PHEX: variants seen among roughly 807,000 people sequenced by gnomAD.
The protein encoded by PHEX is phosphate regulating endopeptidase X-linked.
PHEX carries 16 observed loss-of-function variants against 68.0 expected under a neutral mutation model. The observed-to-expected ratio is 0.24, with a 90% CI of 0.16 to 0.36. PHEX has a LOEUF of 0.36. Among genes scored for constraint, PHEX ranks in the 10% least tolerant of loss-of-function variants. The pLI, the probability that PHEX is intolerant of heterozygous loss-of-function variation, is 1.00. For synonymous variants in PHEX, 208 were observed against 205.1 expected (o/e 1.01, Z -0.12); for missense variants, 480 against 575.5 (o/e 0.83, Z 1.70).
intron 3 of PHEX, among the ~76,000 whole-genome samples, chrX:22,052,880 C>A (rs1927902897): frequency 9.0e-6 from 1 of 110,996 alleles, no homozygotes; most frequent in Non-Finnish European, 1.9e-5. Context: ...ACACTAAAAT[C>A]TCAGACCTCA....
chrX:22,180,305 C>T (rs1053167584), intron 14 of PHEX, among the ~76,000 whole-genome samples: 2 of 111,228 alleles, frequency 1.8e-5, no homozygotes, highest in Admixed American at 9.6e-5. Flanking sequence ...TTCAATTTCA[C>T]CTTCCACCAG....
At chrX:22,124,162 A>G (rs1220241480) in intron 11 of PHEX, among the ~76,000 whole-genome samples, 1 of 111,706 alleles carries the variant, frequency 9.0e-6, no homozygotes, top group African/African-American at 3.3e-5. Context: ...CAGATTTCAT[A>G]ACCCTCTGCA....
chrX:22,058,775 C>G (rs187720829), intron 3 of PHEX, among the ~76,000 whole-genome samples: 2 of 112,229 alleles, frequency 1.8e-5, no homozygotes, highest in Admixed American at 9.4e-5. Flanking sequence ...TCTAGAGCTT[C>G]TCTGGATGCC....
chrX:22,099,564 C>A (rs1268420783), intron 9 of PHEX, among the ~76,000 whole-genome samples: 1 of 106,782 alleles, frequency 9.4e-6, no homozygotes, highest in East Asian at 2.9e-4. Context: ...TGGCAATAAA[C>A]TAAAGTAACT....
At chrX:22,225,198 C>T (rs1341824418) in intron 18 of PHEX, among the ~76,000 whole-genome samples, 4 of 109,053 alleles carry the variant, frequency 3.7e-5, no homozygotes, top group Non-Finnish European at 3.8e-5. Context: ...CTCTGACACT[C>T]GCTCTCCTGC....
At chrX:22,137,629 G>C (rs1198552136) in intron 12 of PHEX, among the ~76,000 whole-genome samples, 1 of 111,436 alleles carries the variant, frequency 9.0e-6, no homozygotes, top group Non-Finnish European at 1.9e-5. Flanking sequence ...CTCAAGGTGT[G>C]GTTCCAGACC....
At chrX:22,051,058 A>G (rs759174070) in intron 3 of PHEX, among the ~76,000 whole-genome samples, 1 of 111,519 alleles carries the variant, frequency 9.0e-6, no homozygotes, top group Non-Finnish European at 1.9e-5. Context: ...GAGGCTTCCT[A>G]TATGTGTTTC....
chrX:22,211,647 A>G (rs1934927503), intron 15 of PHEX, among the ~76,000 whole-genome samples: 1 of 112,177 alleles, frequency 8.9e-6, no homozygotes, highest in Non-Finnish European at 1.9e-5. Flanking sequence ...TGGTTTACTG[A>G]TGAATAAAGA....
chrX:22,131,363 C>T (rs1236339967), intron 11 of PHEX, among the ~76,000 whole-genome samples: 1 of 112,503 alleles, frequency 8.9e-6, no homozygotes, highest in Non-Finnish European at 1.9e-5. Flanking sequence ...TAAAGTTCCT[C>T]CAAAGATTCT....
intron 16 of PHEX, among the ~76,000 whole-genome samples, chrX:22,214,782 G>C (rs1935032458): frequency 9.0e-6 from 1 of 111,459 alleles, no homozygotes; most frequent in East Asian, 2.8e-4. Context: ...ACGAGGACGT[G>C]GGCAGCCATC....
chrX:22,219,113 G>A lies in PHEX; in HGVS notation c.1768+10G>A, dbSNP rs775981177. The A allele has an allele frequency of 3.8e-5, 42 of 1,097,720 alleles. No individual in the cohort carries two copies. The highest frequency in any genetic ancestry group is 2.6e-4 in the South Asian group (14 of 54,284). The allele number at this position is 1,097,720 out of a possible 1,213,427, so 90.5% of individuals were successfully genotyped here. On this transcript the variant is annotated intron_variant, in intron 17 of 21. Coordinates refer to ENST00000379374, the MANE Select transcript of PHEX (RefSeq NM_000444.6). ...GGATTTGATAATAATGGTAAGTACCGGTTCATTTTATAAGCTGCTGCTTTT... is the reference window on the plus strand; with the variant it reads ...GGATTTGATAATAATGGTAAGTACCAGTTCATTTTATAAGCTGCTGCTTTT...
At chrX:22,212,225 C>T (rs1219392811) in intron 15 of PHEX, among the ~76,000 whole-genome samples, 1 of 111,178 alleles carries the variant, frequency 9.0e-6, no homozygotes, top group African/African-American at 3.3e-5. Flanking sequence ...AGTATGGCCT[C>T]TTAGGGCTAT....
Position 22,114,349 on chromosome X carries a change from G to A in PHEX, c.1174-109G>A, listed in dbSNP as rs892311996. On this transcript the variant is annotated intron_variant, in intron 10 of 21. Transcript: ENST00000379374. ...TCTACTATCTGATGCATATATATGG[G>A]TTAGGGTGTGCAGTGTTTTGTAGAC... The A allele has an allele frequency of 5.6e-6, 4 of 709,030 alleles. No individual in the cohort carries two copies. The Admixed American group carries it at 6.7e-5, about 12-fold the overall frequency. The allele number at this position is 709,030 out of a possible 1,213,427, so 58.4% of individuals were successfully genotyped here. A position where few individuals can be genotyped will look rare whatever the true frequency, so the allele number is the denominator to read the frequency against.
At chrX:22,193,425 A>C (rs1934266623) in intron 15 of PHEX, among the ~76,000 whole-genome samples, 2 of 111,222 alleles carry the variant, frequency 1.8e-5, no homozygotes. Context: ...TTCTGATTTG[A>C]GGGTTTATCA....
chrX:22,231,627 T>A (rs1223858430), intron 20 of PHEX, among the ~76,000 whole-genome samples: 4 of 111,876 alleles, frequency 3.6e-5, no homozygotes, highest in Non-Finnish European at 7.5e-5. Context: ...ATCCCCTTTA[T>A]CATTTTTTAT....
intron 13 of PHEX, among the ~76,000 whole-genome samples, chrX:22,176,672 T>C (rs1933721438): frequency 9.0e-6 from 1 of 110,523 alleles, no homozygotes; most frequent in Admixed American, 9.8e-5. Context: ...TTCAGTCTTA[T>C]TATTGTTATT....
intron 18 of PHEX, among the ~76,000 whole-genome samples, chrX:22,222,567 ATCGT>A (rs1172111399): frequency 1.2e-4 from 13 of 111,884 alleles, no homozygotes; most frequent in African/African-American, 4.2e-4. Context: ...TCAATAAAAG[ATCGT>A]TAGTTAATAT....
chrX:22,230,225 G>T (rs189378426), intron 20 of PHEX, among the ~76,000 whole-genome samples: 1,231 of 74,597 alleles, frequency 0.017, 26 homozygotes, highest in African/African-American at 0.064. Context: ...TGGCTATATG[G>T]GCTCTTTTTT....
At chrX:22,202,506 G>A (rs1208812665) in intron 15 of PHEX, among the ~76,000 whole-genome samples, 1 of 112,108 alleles carries the variant, frequency 8.9e-6, no homozygotes, top group Non-Finnish European at 1.9e-5. Flanking sequence ...AACAACAAAT[G>A]AGATGGTTTA....
Sources: allele counts gnomAD v4.1 joint callset (sites outside exome capture counted in the v4.1 genomes callset), GRCh38; gene constraint gnomAD v4.1.1; transcripts MANE v1.5; gene names NCBI Gene and HGNC (gene_info 2026-07-23, HGNC 2026-07-21).